PCDHGA12: variants seen among roughly 807,000 people sequenced by gnomAD.
PCDHGA12 encodes the protein protocadherin gamma-A12.
In PCDHGA12, 43 loss-of-function variants were observed where a neutral mutation model predicts 61.1. The ratio of observed to expected loss-of-function variants is 0.70; its 90% CI spans 0.55 to 0.91. The LOEUF is 0.91. Ranked by LOEUF, PCDHGA12 falls within the 40% of genes least tolerant of loss-of-function variation. The probability of loss-of-function intolerance (pLI) is 0.00; values close to 1 mark genes in which losing one functional copy is unlikely to be tolerated. For synonymous variants in PCDHGA12, 520 were observed against 542.9 expected (o/e 0.96, Z 0.59); for missense variants, 1,236 against 1,227.7 (o/e 1.01, Z -0.10).
At position 141,491,823 on chromosome 5, in the gene PCDHGA12, C is replaced by G; in HGVS notation, c.2425-2984C>G. Reference sequence around the variant, plus strand: ...GCCGGCTTGGTCGCTGGCTGCGCTCCACCCGATTCTCGGGATCATTGGACC... The same window carrying G: ...GCCGGCTTGGTCGCTGGCTGCGCTCGACCCGATTCTCGGGATCATTGGACC... On this transcript the variant is annotated intron_variant, in intron 1 of 3. Transcript: ENST00000252085. The surrounding 1 kb of genome is among the most constrained non-coding windows in gnomAD (Gnocchi z 6.9). The G allele has an allele frequency of 6.8e-7, 1 of 1,479,156 alleles. No individual in the cohort carries two copies. Among genetic ancestry groups the G allele is most frequent in the Non-Finnish European group, 9.0e-7 (1 of 1,115,292 alleles). 91.6% of individuals were successfully genotyped at this position (1,479,156 alleles called of 1,614,324 possible). A position where few individuals can be genotyped will look rare whatever the true frequency, so the allele number is the denominator to read the frequency against.
chr5:141,490,822 C>T lies in PCDHGA12; in HGVS notation c.2425-3985C>T. ...GCGTACCTTTGACTATGAATTGCTG[C>T]AGATGCTGCAGATTGTGGTGGGGGT... On this transcript the variant is annotated intron_variant, in intron 1 of 3. Coordinates refer to ENST00000252085, the MANE Select transcript of PCDHGA12 (RefSeq NM_003735.3). This position sits in a 1 kb window ranked among gnomAD's most constrained non-coding sequence, Gnocchi z 5.4. 2 of 1,613,842 alleles carry T rather than the reference C, an allele frequency of 1.2e-6. No individual in the cohort carries two copies. Among genetic ancestry groups the T allele is most frequent in the Non-Finnish European group, 1.7e-6 (2 of 1,179,790 alleles).
At chr5:141,478,505 T>C (rs1298083274) in intron 1 of PCDHGA12, 3 of 1,612,032 alleles carry the variant, frequency 1.9e-6, no homozygotes, top group Non-Finnish European at 2.5e-6. Context: ...TCCGGTGTTC[T>C]ATAGGCAGGT....
At position 141,477,055 on chromosome 5, in the gene PCDHGA12, G is replaced by A. The variant is rs531755338; in HGVS notation, c.2425-17752G>A. Reference sequence around the variant, plus strand: ...CAATCAAGGGTCGGCTGGACTTCGAGGACACCAAACTCCATGAGATTTACA... The same window carrying A: ...CAATCAAGGGTCGGCTGGACTTCGAAGACACCAAACTCCATGAGATTTACA... On this transcript the variant is annotated intron_variant, in intron 1 of 3. Transcript: ENST00000252085. This position sits in a 1 kb window ranked among gnomAD's most constrained non-coding sequence, Gnocchi z 4.9. The A allele has an allele frequency of 4.5e-5, 72 of 1,614,242 alleles. 1 individual carries two copies. In the South Asian group the frequency reaches 7.8e-4, roughly 17 times the overall value.
At chr5:141,439,124 CAG>C (rs2098089371) in intron 1 of PCDHGA12, among the ~76,000 whole-genome samples, 1 of 150,004 alleles carries the variant, frequency 6.7e-6, no homozygotes, top group Non-Finnish European at 1.5e-5. Flanking sequence ...ACCCGGGAGA[CAG>C]AGGTTGCAGT....
intron 1 of PCDHGA12, chr5:141,441,209 G>A (rs1276958461): frequency 1.3e-5 from 2 of 152,158 alleles, no homozygotes; most frequent in East Asian, 3.9e-4. Flanking sequence ...TCTGCACCTT[G>A]GACAGTAATC....
chr5:141,496,621 CA>C (rs2099769988), intron 2 of PCDHGA12, among the ~76,000 whole-genome samples: 1 of 152,332 alleles, frequency 6.6e-6, no homozygotes, highest in Non-Finnish European at 1.5e-5. Flanking sequence ...AGCAGCAGAT[CA>C]AAAGGCTTGG....
At position 141,477,498 on chromosome 5, in the gene PCDHGA12, C is replaced by T. The variant is rs754212608; in HGVS notation, c.2425-17309C>T. ...AACCCTCCACAATCTTCTCAATCTT[C>T]CTACGACGTTTACATTGAAGAAAAC... On this transcript the variant is annotated intron_variant, in intron 1 of 3. Coordinates refer to ENST00000252085, the MANE Select transcript of PCDHGA12 (RefSeq NM_003735.3). The surrounding 1 kb of genome is among the most constrained non-coding windows in gnomAD (Gnocchi z 4.9). 3.7e-6 allele frequency: 6 copies of T among 1,614,038 alleles called. No individual in the cohort carries two copies. The highest frequency in any genetic ancestry group is 5.1e-6 in the Non-Finnish European group (6 of 1,180,038).
chr5:141,470,794 C>T (rs1332287628), intron 1 of PCDHGA12, among the ~76,000 whole-genome samples: 1 of 152,162 alleles, frequency 6.6e-6, no homozygotes, highest in African/African-American at 2.4e-5. Flanking sequence ...CTCAAGCAAT[C>T]CTCCCACTTC....
At chr5:141,457,631 G>C (rs540600166) in intron 1 of PCDHGA12, among the ~76,000 whole-genome samples, 1 of 152,282 alleles carries the variant, frequency 6.6e-6, no homozygotes, top group African/African-American at 2.4e-5. Flanking sequence ...TCTTATACTT[G>C]GCCTGATTAT....
Position 141,465,218 on chromosome 5 carries a change from A to G in PCDHGA12, c.2425-29589A>G, listed in dbSNP as rs151158068. ...ATAAAAATATAAGCTTTATTTTTCA[A>G]CATGAGCTCCATCAAGTTCAAGGCA... On this transcript the variant is annotated intron_variant, in intron 1 of 3. Coordinates refer to ENST00000252085, the MANE Select transcript of PCDHGA12 (RefSeq NM_003735.3). Among the ~76,000 whole-genome samples, 591 of 152,288 alleles carry G rather than the reference A, an allele frequency of 3.9e-3. 6 individuals carry two copies. The highest frequency in any genetic ancestry group is 0.011 in the Admixed American group (171 of 15,290).
At chr5:141,460,908 T>C (rs550367008) in intron 1 of PCDHGA12, among the ~76,000 whole-genome samples, 2,136 of 133,318 alleles carry the variant, frequency 0.016, 43 homozygotes, top group African/African-American at 0.062. Flanking sequence ...TAATATTCCA[T>C]GGTGTATATA....
rs1393235114 is a variant in PCDHGA12, at chr5:141,476,581, G to T, written c.2425-18226G>T. ...CCGTGGCTCCGGGGACGCGCTTTCC[G>T]CTCGAGAGCGCGCACGATCCCGATG... On this transcript the variant is annotated intron_variant, in intron 1 of 3. Transcript: ENST00000252085. This position sits in a 1 kb window ranked among gnomAD's most constrained non-coding sequence, Gnocchi z 7.6. 8.7e-6 allele frequency: 14 copies of T among 1,614,112 alleles called. No homozygotes were observed. The Admixed American group carries it at 2.2e-4, about 25-fold the overall frequency.
At chr5:141,478,044 C>T in intron 1 of PCDHGA12, 2 of 1,614,184 alleles carry the variant, frequency 1.2e-6, no homozygotes, top group South Asian at 1.1e-5. Flanking sequence ...CCCAGGCAGA[C>T]TCTCACGGTC....
chr5:141,493,289 C>A lies in PCDHGA12; in HGVS notation c.2425-1518C>A, dbSNP rs925045650. On this transcript the variant is annotated intron_variant, in intron 1 of 3. Coordinates refer to ENST00000252085, the MANE Select transcript of PCDHGA12 (RefSeq NM_003735.3). This position sits in a 1 kb window ranked among gnomAD's most constrained non-coding sequence, Gnocchi z 4.3. The stretch of plus-strand genomic sequence containing the variant: ...CTTCACAGAGGTCAAGTGACTTGCT[C>A]AAGTTCACAGAGCAAGTAAGAGAGA... 6.6e-6 allele frequency among the ~76,000 whole-genome samples: 1 copy of A among 152,176 alleles called. No individual in the cohort carries two copies. Among genetic ancestry groups the A allele is most frequent in the East Asian group, 1.9e-4 (1 of 5,194 alleles).
At chr5:141,509,136 C>T (rs1217992935) in intron 3 of PCDHGA12, among the ~76,000 whole-genome samples, 1 of 152,142 alleles carries the variant, frequency 6.6e-6, no homozygotes, top group Non-Finnish European at 1.5e-5. Context: ...AAAACCGAGG[C>T]GCATCCCGGC....
rs192747939 is a variant in PCDHGA12 at position 141,487,483 on chromosome 5, T to C, written c.2425-7324T>C. 12 of 1,614,224 alleles carry C rather than the reference T, an allele frequency of 7.4e-6. No individual in the cohort carries two copies. In the Admixed American group the frequency reaches 1.8e-4, roughly 25 times the overall value. On this transcript the variant is annotated intron_variant, in intron 1 of 3. Coordinates refer to ENST00000252085, the MANE Select transcript of PCDHGA12 (RefSeq NM_003735.3). This position sits in a 1 kb window ranked among gnomAD's most constrained non-coding sequence, Gnocchi z 5.0. ...TTGTTGATGTGGGAGGCCACTCTCA[T>C]GGCTGTACACCCTTGGCTTCTGCAC... is the stretch of plus-strand genomic sequence containing the variant.
chr5:141,508,904 T>C (rs1421450229), intron 3 of PCDHGA12, among the ~76,000 whole-genome samples: 2 of 151,336 alleles, frequency 1.3e-5, no homozygotes, highest in African/African-American at 4.9e-5. Context: ...GGCGGGGCGG[T>C]GGCGGATCTG....
At chr5:141,456,821 A>G (rs1432134342) in intron 1 of PCDHGA12, among the ~76,000 whole-genome samples, 2 of 151,744 alleles carry the variant, frequency 1.3e-5, no homozygotes, top group Admixed American at 6.6e-5. Context: ...AAAATTAGCC[A>G]TCGTGGTAGT....
intron 1 of PCDHGA12, among the ~76,000 whole-genome samples, chr5:141,451,498 C>A (rs2098717552): frequency 6.6e-6 from 1 of 152,208 alleles, no homozygotes; most frequent in South Asian, 2.1e-4. Flanking sequence ...CTCCATAGGG[C>A]AACCAGCTTC....
Sources: gnomAD v4.1 joint callset for allele counts (sites outside exome capture counted in the v4.1 genomes callset) on GRCh38, gnomAD v4.1.1 for gene constraint, Gnocchi (gnomAD v3.1) non-coding constraint, MANE v1.5 for transcripts, NCBI Gene and HGNC (gene_info 2026-07-23, HGNC 2026-07-21) for gene names.